HYAL4: variants seen among roughly 807,000 people sequenced by gnomAD.
HYAL4 encodes the protein hyaluronidase-4.
In HYAL4, 37 loss-of-function variants were observed where a neutral mutation model predicts 35.2. The observed-to-expected ratio is 1.05, with a 90% confidence interval of 0.81 to 1.38. HYAL4 has a LOEUF of 1.38. Ranked by LOEUF, HYAL4 falls within the 40% of genes most tolerant of loss-of-function variation. The pLI, the probability that HYAL4 is intolerant of heterozygous loss-of-function variation, is 0.00. For synonymous variants in HYAL4, 198 were observed against 203.2 expected, an observed-to-expected ratio of 0.97 and a Z score of 0.22; for missense variants, 572 against 572.4, an observed-to-expected ratio of 1.00 and a Z score of 0.01.
the HYAL4 span, among the ~76,000 whole-genome samples, chr7:123,784,525 G>A: frequency 2.8e-4 from 43 of 152,288 alleles, no homozygotes; most frequent in African/African-American, 9.6e-4. Context: ...CTAAAGAAAG[G>A]AATGAGAAGG....
At chr7:123,823,298 A>C in the HYAL4 span, among the ~76,000 whole-genome samples, 1 of 152,178 alleles carries the variant, frequency 6.6e-6, no homozygotes, top group Admixed American at 6.6e-5. Context: ...CCAGGAATAA[A>C]TCCTACTTGA....
chr7:123,770,292 G>T, the HYAL4 span, among the ~76,000 whole-genome samples: 1 of 151,870 alleles, frequency 6.6e-6, no homozygotes, highest in African/African-American at 2.4e-5. Context: ...AATACAAAAA[G>T]TTAGCTGGGT....
At chr7:123,814,466 C>T in the HYAL4 span, 1 of 152,558 alleles carries the variant, frequency 6.6e-6, no homozygotes, top group Non-Finnish European at 1.5e-5. Flanking sequence ...TTCTGAACAC[C>T]TTAGGAAAAC....
At chr7:123,782,343 G>A in the HYAL4 span, among the ~76,000 whole-genome samples, 1 of 152,070 alleles carries the variant, frequency 6.6e-6, no homozygotes, top group Non-Finnish European at 1.5e-5. Context: ...TTCAGGAAAA[G>A]AGCTATAAGA....
At chr7:123,801,764 T>C in the HYAL4 span, among the ~76,000 whole-genome samples, 2 of 152,202 alleles carry the variant, frequency 1.3e-5, no homozygotes, top group Admixed American at 1.3e-4. Context: ...GAGTCTACAA[T>C]TGCTACATAT....
chr7:123,875,613 C>T (rs1806993448), intron 4 of HYAL4, among the ~76,000 whole-genome samples: 1 of 146,872 alleles, frequency 6.8e-6, no homozygotes, highest in African/African-American at 2.5e-5. Flanking sequence ...GCCAAGATGA[C>T]ACCACTGCAC....
chr7:123,830,167 A>G (rs1805859140), intron 1 of HYAL4, among the ~76,000 whole-genome samples: 1 of 152,182 alleles, frequency 6.6e-6, no homozygotes, highest in East Asian at 1.9e-4. Context: ...GTCGTAGTTT[A>G]TTTTAACTTG....
chr7:123,766,693 A>G, the HYAL4 span, among the ~76,000 whole-genome samples: 391 of 152,318 alleles, frequency 2.6e-3, 2 homozygotes, highest in African/African-American at 8.8e-3. Flanking sequence ...CAGTCTTCAT[A>G]TAAGTACTAA....
chr7:123,850,135 C>G (rs1806270427), intron 2 of HYAL4, among the ~76,000 whole-genome samples: 1 of 152,162 alleles, frequency 6.6e-6, no homozygotes, highest in African/African-American at 2.4e-5. Context: ...ACAATTGTAG[C>G]AATAGCTAAG....
In HYAL4 at chr7:123,868,595, A is replaced by G; in HGVS notation, c.322A>G (p.Ile108Val). The G allele has an allele frequency of 6.2e-7, 1 of 1,614,220 alleles. No individual in the cohort carries two copies. Among genetic ancestry groups the G allele is most frequent in the Admixed American group, 1.7e-5 (1 of 60,026 alleles). ...GTGGTATACATCACAAGGGGTCCCC[A>G]TTAATGGAGGTCTCCCACAGAACAT... The part of the protein sequence containing the change: ...YPWYTSQGVP[I>V]NGGLPQNISL... Residue 108 changes from isoleucine (I) to valine (V), a missense_variant, in exon 3 of 5, where the codon ATT becomes GTT. Transcript: ENST00000223026.
At position 123,845,502 on chromosome 7, in the gene HYAL4, C is replaced by T. The variant is rs1239164738; in HGVS notation, c.-305C>T. The T allele has an allele frequency of 6.6e-6, 1 of 152,122 alleles. No homozygotes were observed. Among genetic ancestry groups the T allele is most frequent in the Non-Finnish European group, 1.5e-5 (1 of 68,030 alleles). The allele number at this position is 152,122 out of a possible 1,614,324, so 9.4% of individuals were successfully genotyped here. A position where few individuals can be genotyped will look rare whatever the true frequency, so the allele number is the denominator to read the frequency against. On this transcript the variant is annotated 5_prime_UTR_variant, in exon 1 of 5. Coordinates refer to ENST00000223026, the MANE Select transcript of HYAL4 (RefSeq NM_012269.3). ...GGGTTACAGGGGTGAGCCACCGTGC[C>T]TTGCTATTTATGCCATCTATTTCAC...
At chr7:123,846,997 T>G (rs1326988385) in intron 1 of HYAL4, among the ~76,000 whole-genome samples, 1 of 152,196 alleles carries the variant, frequency 6.6e-6, no homozygotes, top group Non-Finnish European at 1.5e-5. Context: ...GGGTGTCTCC[T>G]GGGTCCTCTA....
At chr7:123,777,080 C>A in the HYAL4 span, among the ~76,000 whole-genome samples, 2 of 152,098 alleles carry the variant, frequency 1.3e-5, no homozygotes, top group African/African-American at 4.8e-5. Flanking sequence ...AATAAAAACT[C>A]CTTGGCACTC....
At chr7:123,853,489 G>A (rs1806360405) in intron 2 of HYAL4, among the ~76,000 whole-genome samples, 1 of 152,210 alleles carries the variant, frequency 6.6e-6, no homozygotes, top group Admixed American at 6.5e-5. Context: ...AGATAATCAT[G>A]TGGTTTTTGT....
chr7:123,875,613 C>A (rs1806993448), intron 4 of HYAL4, among the ~76,000 whole-genome samples: 1 of 146,872 alleles, frequency 6.8e-6, no homozygotes, highest in African/African-American at 2.5e-5. Flanking sequence ...GCCAAGATGA[C>A]ACCACTGCAC....
chr7:123,780,451 T>A, the HYAL4 span, among the ~76,000 whole-genome samples: 1 of 152,222 alleles, frequency 6.6e-6, no homozygotes, highest in Non-Finnish European at 1.5e-5. Flanking sequence ...GACACATGGC[T>A]GTCACATAAG....
At chr7:123,824,803 C>A (rs543770887), upstream of HYAL4, among the ~76,000 whole-genome samples, 5 of 152,244 alleles carry the variant, frequency 3.3e-5, no homozygotes, top group South Asian at 1.0e-3. Context: ...TGAAGGCAGG[C>A]CACTCCCACT....
chr7:123,783,065 C>A, the HYAL4 span, among the ~76,000 whole-genome samples: 1 of 151,854 alleles, frequency 6.6e-6, no homozygotes, highest in Non-Finnish European at 1.5e-5. Flanking sequence ...TTGACTTTTT[C>A]TAAAGTGTAG....
intron 2 of HYAL4, among the ~76,000 whole-genome samples, chr7:123,855,014 G>A (rs1393080488): frequency 6.6e-6 from 1 of 152,116 alleles, no homozygotes; most frequent in African/African-American, 2.4e-5. Flanking sequence ...TTGGTTTAAA[G>A]TCTGTTTTAT....
Sources: gnomAD v4.1 joint callset for allele counts (sites outside exome capture counted in the v4.1 genomes callset) on GRCh38, gnomAD v4.1.1 for gene constraint, MANE v1.5 for transcripts, NCBI Gene and HGNC (gene_info 2026-07-23, HGNC 2026-07-21) for gene names.